The following VAMP7 variants were observed in gnomAD, a reference collection of about 807,000 sequenced individuals.
The protein encoded by VAMP7 is vesicle associated membrane protein 7.
In VAMP7, 14 loss-of-function variants were observed where a neutral mutation model predicts 29.6. The observed-to-expected ratio is 0.47, with a 90% CI of 0.31 to 0.74. The LOEUF (loss-of-function observed/expected upper bound fraction) is 0.74, where lower values mean the gene tolerates loss of function less well. Among genes scored for constraint, VAMP7 ranks in the 30% least tolerant of loss-of-function variants. VAMP7 has a pLI of 0.05. For synonymous variants in VAMP7, 95 were observed against 88.1 expected (o/e 1.08, Z -0.44); for missense variants, 223 against 262.4 (o/e 0.85, Z 1.04).
chrX:155,941,951 G>C lies in VAMP7; in HGVS notation c.663G>C (p.Ter221TyrextTer7), dbSNP rs2066749831. Residue 221 changes from the stop codon to tyrosine (Y), a stop_lost, in exon 8 of 8, where the codon TAG becomes TAC. Transcript: ENST00000286448. ...GFTWPSCVKK* is the reference protein window; with the variant it reads ...GFTWPSCVKKY ...CATGGCCAAGCTGTGTGAAGAAATA[G>C]GAAAGAAGAAGTTACCATTAACCAA... 27 of 1,613,752 alleles carry C rather than the reference G, an allele frequency of 1.7e-5. No homozygotes were observed. The highest frequency in any genetic ancestry group is 2.1e-5 in the Non-Finnish European group (25 of 1,179,814).
intron 5 of VAMP7, among the ~76,000 whole-genome samples, chrX:155,900,846 T>C (rs758366485): frequency 1.3e-5 from 2 of 152,226 alleles, no homozygotes; most frequent in East Asian, 3.9e-4. Flanking sequence ...TTCAGCAGTT[T>C]AGAATAATTT....
intron 5 of VAMP7, among the ~76,000 whole-genome samples, chrX:155,901,184 T>C (rs954377879): frequency 1.3e-5 from 2 of 152,026 alleles, no homozygotes; most frequent in Non-Finnish European, 2.9e-5. Flanking sequence ...TCTTATTTTC[T>C]TGAGATTAAT....
At chrX:155,881,793 T>A (rs1274201858) in intron 1 of VAMP7, among the ~76,000 whole-genome samples, 2 of 152,160 alleles carry the variant, frequency 1.3e-5, no homozygotes, top group African/African-American at 4.8e-5. Context: ...CTCTACGTCC[T>A]TGTTCGATGA....
chrX:155,917,532 T>C (rs2066331343), intron 5 of VAMP7, among the ~76,000 whole-genome samples: 1 of 152,202 alleles, frequency 6.6e-6, no homozygotes. Context: ...GCTATTCCTT[T>C]CTGTTTGTTA....
chrX:155,927,899 TTTGTTGTTGTTG>T (rs374422359), intron 6 of VAMP7, among the ~76,000 whole-genome samples: 2 of 151,548 alleles, frequency 1.3e-5, no homozygotes, highest in Non-Finnish European at 2.9e-5. Context: ...ACCTTTGGCT[TTTGTTGTTGTTG>T]TTGTTGTTGT....
At chrX:155,900,187 A>G (rs1394807112) in intron 4 of VAMP7, among the ~76,000 whole-genome samples, 1 of 151,860 alleles carries the variant, frequency 6.6e-6, no homozygotes, top group Non-Finnish European at 1.5e-5. Flanking sequence ...CTGAGCACAG[A>G]TTATATATCC....
intron 1 of VAMP7, 145 bp downstream of exon 1, chrX:155,881,593 C>G (rs2065802519): frequency 6.6e-6 from 1 of 152,504 alleles, no homozygotes; most frequent in Non-Finnish European, 1.5e-5. Flanking sequence ...TTCCAGTTGT[C>G]GGGCAGGACC....
At chrX:155,892,457 T>A (rs2065936226) in intron 2 of VAMP7, among the ~76,000 whole-genome samples, 1 of 152,190 alleles carries the variant, frequency 6.6e-6, no homozygotes, top group Admixed American at 6.5e-5. Flanking sequence ...CTTTTACTAC[T>A]TTAGTCCTCA....
chrX:155,933,636 T>C (rs1331848467), intron 6 of VAMP7, among the ~76,000 whole-genome samples: 11 of 152,318 alleles, frequency 7.2e-5, no homozygotes, highest in Non-Finnish European at 1.6e-4. Context: ...TCAATTTTGT[T>C]GATCTTTTCA....
At position 155,942,377 on chromosome X, in the gene VAMP7, G is replaced by A. The variant is rs1238307923; in HGVS notation, c.*426G>A. The A allele has an allele frequency of 7.5e-6, 4 of 535,628 alleles. No homozygotes were observed. The African/African-American group carries it at 7.5e-5, about 10-fold the overall frequency. 33.2% of individuals were successfully genotyped at this position (535,628 alleles called of 1,614,324 possible). ...TCATCTTAATGTCTTTTGTTATTGAGAAGTTTTAGGTGCTTCAAAACAATA... is the reference window on the plus strand; with the variant it reads ...TCATCTTAATGTCTTTTGTTATTGAAAAGTTTTAGGTGCTTCAAAACAATA... On this transcript the variant is annotated 3_prime_UTR_variant, in exon 8 of 8. Coordinates refer to ENST00000286448, the MANE Select transcript of VAMP7 (RefSeq NM_005638.6).
chrX:155,904,349 TATA>T (rs1302371216), intron 5 of VAMP7, among the ~76,000 whole-genome samples: 3 of 125,124 alleles, frequency 2.4e-5, no homozygotes, highest in Non-Finnish European at 4.9e-5. Context: ...AAACTTAAAG[TATA>T]ATAATAATAA....
At chrX:155,918,149 C>T (rs5983825) in intron 5 of VAMP7, among the ~76,000 whole-genome samples, 91,273 of 151,736 alleles carry the variant, frequency 0.6, 27,539 homozygotes, top group East Asian at 0.67. Flanking sequence ...ATGGCAGACG[C>T]CCCTCCCTCC....
At chrX:155,932,965 T>C (rs1230986197) in intron 6 of VAMP7, among the ~76,000 whole-genome samples, 2 of 152,190 alleles carry the variant, frequency 1.3e-5, no homozygotes, top group Non-Finnish European at 2.9e-5. Context: ...GATGATCGTG[T>C]GTTTTTTGTC....
chrX:155,931,787 C>G (rs944866979), intron 6 of VAMP7, among the ~76,000 whole-genome samples: 1 of 152,144 alleles, frequency 6.6e-6, no homozygotes, highest in Non-Finnish European at 1.5e-5. Context: ...ATGCCCATGC[C>G]TATGTCCTCA....
chrX:155,887,799 C>A (rs1482289796), intron 1 of VAMP7, among the ~76,000 whole-genome samples: 4 of 151,848 alleles, frequency 2.6e-5, no homozygotes, highest in Non-Finnish European at 5.9e-5. Context: ...GACATGGTGG[C>A]ACACACCTGT....
Position 155,900,585 on chromosome X carries a change from T to C in VAMP7, c.431T>C (p.Ile144Thr), listed in dbSNP as rs769350937. The C allele has an allele frequency of 1.2e-6, 2 of 1,603,838 alleles. No individual in the cohort carries two copies. The highest frequency in any genetic ancestry group is 2.7e-5 in the African/African-American group (2 of 74,756). The change falls in exon 5 of 8, where the codon ATA (isoleucine) becomes ACA (threonine). Residue 144 changes from isoleucine to threonine, a missense_variant and splice_region_variant. Coordinates refer to ENST00000286448, the MANE Select transcript of VAMP7 (RefSeq NM_005638.6). ...DELKGIMVRN[I>T]DLVAQRGERL... ...CTGAAAGGAATCATGGTCAGAAACA[T>C]AGGTATGTTTCATGGCATAGTTTCA...
intron 4 of VAMP7, among the ~76,000 whole-genome samples, chrX:155,899,059 G>A (rs928209413): frequency 7.9e-5 from 12 of 152,086 alleles, no homozygotes; most frequent in Admixed American, 2.6e-4. Flanking sequence ...TATTTGGGTT[G>A]CTTCCAGTTT....
intron 6 of VAMP7, among the ~76,000 whole-genome samples, chrX:155,936,579 T>A (rs939168189): frequency 6.6e-6 from 1 of 152,164 alleles, no homozygotes; most frequent in Non-Finnish European, 1.5e-5. Flanking sequence ...GTGATCCGAT[T>A]TTCCAGGTGC....
chrX:155,905,265 GTTAT>G (rs1482838799), intron 5 of VAMP7, among the ~76,000 whole-genome samples: 3 of 151,804 alleles, frequency 2.0e-5, no homozygotes, highest in Admixed American at 6.6e-5. Flanking sequence ...TTTTAAGTGG[GTTAT>G]TTGTCTTTTT....
Sources: allele counts gnomAD v4.1 joint callset (sites outside exome capture counted in the v4.1 genomes callset), GRCh38; gene constraint gnomAD v4.1.1; transcripts MANE v1.5; gene names NCBI Gene and HGNC (gene_info 2026-07-23, HGNC 2026-07-21).